WWC2: variants seen among roughly 807,000 people sequenced by gnomAD.
WWC2 encodes the protein protein WWC2.
WWC2 carries 101 observed loss-of-function variants against 138.5 expected under a neutral mutation model. That is an observed-to-expected ratio of 0.73 (90% CI 0.62 to 0.86). The LOEUF is 0.86. Ranked by LOEUF, WWC2 falls within the 40% of genes least tolerant of loss-of-function variation. The pLI, the probability that WWC2 is intolerant of heterozygous loss-of-function variation, is 0.00. For synonymous variants in WWC2, 558 were observed against 538.4 expected (o/e 1.04, Z -0.50); for missense variants, 1,420 against 1,419.4 (o/e 1.00, Z -0.01).
chr4:183,173,341 C>T (rs553884377), intron 1 of WWC2, among the ~76,000 whole-genome samples: 40 of 152,194 alleles, frequency 2.6e-4, no homozygotes, highest in Non-Finnish European at 4.0e-4. Flanking sequence ...TGTGAGCCAC[C>T]GTGCCTGGCC....
intron 2 of WWC2, among the ~76,000 whole-genome samples, chr4:183,200,747 G>C (rs1735274737): frequency 1.3e-5 from 2 of 152,138 alleles, no homozygotes; most frequent in Non-Finnish European, 2.9e-5. Context: ...CTCACAACGG[G>C]GCAGCTTGCT....
At chr4:183,153,356 C>A (rs1733699903) in intron 1 of WWC2, among the ~76,000 whole-genome samples, 1 of 152,156 alleles carries the variant, frequency 6.6e-6, no homozygotes, top group South Asian at 2.1e-4. Flanking sequence ...AGACTTAGTC[C>A]TCTTTGCTTC....
intron 1 of WWC2, among the ~76,000 whole-genome samples, chr4:183,174,797 TTCTC>T (rs751310767): frequency 3.3e-5 from 5 of 151,090 alleles, no homozygotes; most frequent in South Asian, 2.1e-4. Flanking sequence ...TCCTTCTCCT[TTCTC>T]TCTCTCTCTG....
At chr4:183,222,237 T>C (rs1735955074) in intron 4 of WWC2, among the ~76,000 whole-genome samples, 1 of 152,142 alleles carries the variant, frequency 6.6e-6, no homozygotes, top group Non-Finnish European at 1.5e-5. Context: ...CATTTAAAAT[T>C]TGTGCCATTT....
chr4:183,203,546 T>G (rs1735360175), intron 2 of WWC2: 1 of 152,174 alleles, frequency 6.6e-6, no homozygotes, highest in African/African-American at 2.4e-5. Flanking sequence ...ATGTACACTC[T>G]CTACACCCCT....
At chr4:183,153,837 G>T (rs1196043147) in intron 1 of WWC2, among the ~76,000 whole-genome samples, 1 of 151,020 alleles carries the variant, frequency 6.6e-6, no homozygotes, top group African/African-American at 2.4e-5. Context: ...TAGAGATGGG[G>T]TTTCACCATG....
chr4:183,153,053 A>G (rs1030177871), intron 1 of WWC2, among the ~76,000 whole-genome samples: 1 of 151,886 alleles, frequency 6.6e-6, no homozygotes, highest in Non-Finnish European at 1.5e-5. Flanking sequence ...ATCACACTAC[A>G]CCCAGCTAAT....
intron 1 of WWC2, among the ~76,000 whole-genome samples, chr4:183,170,265 C>T (rs1282783457): frequency 6.6e-6 from 1 of 152,184 alleles, no homozygotes; most frequent in Non-Finnish European, 1.5e-5. Context: ...GAGGCAGACA[C>T]CTAGAGTCAC....
chr4:183,179,577 G>GCCT (rs750790838), intron 1 of WWC2, among the ~76,000 whole-genome samples: 12 of 151,860 alleles, frequency 7.9e-5, no homozygotes, highest in Non-Finnish European at 1.5e-4. Flanking sequence ...CGGAGAGGGG[G>GCCT]CCATCAAGGA....
At chr4:183,154,416 C>T (rs1452622728) in intron 1 of WWC2, among the ~76,000 whole-genome samples, 1 of 152,094 alleles carries the variant, frequency 6.6e-6, no homozygotes, top group Non-Finnish European at 1.5e-5. Flanking sequence ...GGGTTATGTG[C>T]CATTTCTGAA....
At chr4:183,293,067 T>G (rs1738513714) in intron 21 of WWC2, among the ~76,000 whole-genome samples, 1 of 152,236 alleles carries the variant, frequency 6.6e-6, no homozygotes, top group South Asian at 2.1e-4. Flanking sequence ...GAGATTCTCC[T>G]GCCTCAGCTG....
chr4:183,301,780 A>G (rs1738848782), intron 21 of WWC2, among the ~76,000 whole-genome samples: 1 of 152,246 alleles, frequency 6.6e-6, no homozygotes, highest in South Asian at 2.1e-4. Flanking sequence ...GCAGAACTAT[A>G]TAAAGCAAAA....
In WWC2 at chr4:183,265,201, G is replaced by T. The variant is rs1737462637; in HGVS notation, c.2039+94G>T. On this transcript the variant is annotated intron_variant, in intron 12 of 22. Transcript: ENST00000403733. Reference sequence around the variant, plus strand: ...GTAAATGGACTGCTACCATTAGTCCGCTCTTTGGCTTAGTAAGGACTTTAG... The same window carrying T: ...GTAAATGGACTGCTACCATTAGTCCTCTCTTTGGCTTAGTAAGGACTTTAG... The T allele has an allele frequency of 7.0e-6, 10 of 1,433,930 alleles. No individual in the cohort carries two copies. The South Asian group carries it at 1.7e-4, about 24-fold the overall frequency. 88.8% of individuals were successfully genotyped at this position (1,433,930 alleles called of 1,614,324 possible).
intron 1 of WWC2, among the ~76,000 whole-genome samples, chr4:183,147,537 G>A (rs1733495864): frequency 6.6e-6 from 1 of 152,198 alleles, no homozygotes; most frequent in Admixed American, 6.5e-5. Context: ...GATCTAAAAC[G>A]TGACAGTTAC....
intron 4 of WWC2, among the ~76,000 whole-genome samples, chr4:183,230,323 GT>G (rs1319502831): frequency 1.3e-5 from 2 of 151,544 alleles, no homozygotes; most frequent in African/African-American, 4.9e-5. Flanking sequence ...AATGAGCAAT[GT>G]AGTCAACCTA....
chr4:183,146,386 C>G (rs1466552956), intron 1 of WWC2, among the ~76,000 whole-genome samples: 1 of 152,204 alleles, frequency 6.6e-6, no homozygotes, highest in Non-Finnish European at 1.5e-5. Context: ...GTTGCTCTCT[C>G]TCTAGATGAG....
intron 12 of WWC2, 56 bp from the exon 13 acceptor site, chr4:183,265,632 C>T (rs1737475635): frequency 1.2e-5 from 18 of 1,519,948 alleles, no homozygotes; most frequent in Non-Finnish European, 1.5e-5. Flanking sequence ...AAACTGTTAA[C>T]CATAACAATC....
In WWC2 at chr4:183,131,827, A is replaced by G. The variant is rs146558935; in HGVS notation, c.131+32205A>G. Among the ~76,000 whole-genome samples, 76 of 152,302 alleles carry G rather than the reference A, an allele frequency of 5.0e-4. 1 individual carries two copies. In the East Asian group the frequency reaches 0.014, roughly 28 times the overall value. On this transcript the variant is annotated intron_variant, in intron 1 of 22. Transcript: ENST00000403733. ...GTCTTTATATTTGGGTCTTCAAATC[A>G]CTAGGATTTGATTTTTGAGTATGGG...
intron 1 of WWC2, among the ~76,000 whole-genome samples, chr4:183,187,616 A>T (rs926287020): frequency 1.3e-5 from 2 of 149,358 alleles, no homozygotes; most frequent in Non-Finnish European, 3.0e-5. Flanking sequence ...CACACCTGTA[A>T]TCCCAGCACT....
Sources: gnomAD v4.1 joint callset for allele counts (sites outside exome capture counted in the v4.1 genomes callset) on GRCh38, gnomAD v4.1.1 for gene constraint, MANE v1.5 for transcripts, NCBI Gene and HGNC (gene_info 2026-07-23, HGNC 2026-07-21) for gene names.